MAP2: variants seen among roughly 807,000 people sequenced by gnomAD.
MAP2 encodes the protein microtubule-associated protein 2.
MAP2 carries 14 observed loss-of-function variants against 137.6 expected under a neutral mutation model. The ratio of observed to expected loss-of-function variants is 0.10; its 90% CI spans 0.07 to 0.16. MAP2 has a LOEUF of 0.16. Ranked by LOEUF, MAP2 falls within the 10% of genes least tolerant of loss-of-function variation. MAP2 has a pLI of 1.00. For missense variants in MAP2, 2,088 were observed against 2,191.5 expected (o/e 0.95, Z 0.94); for synonymous variants, 786 against 782.3 (o/e 1.00, Z -0.08).
intron 4 of MAP2, among the ~76,000 whole-genome samples, chr2:209,628,498 C>G (rs762840406): frequency 2.0e-5 from 3 of 152,114 alleles, no homozygotes; most frequent in Non-Finnish European, 4.4e-5. Context: ...ATCATCTCTA[C>G]CTATATCATT....
At chr2:209,649,560 G>A (rs10193321) in intron 4 of MAP2, among the ~76,000 whole-genome samples, 27,730 of 151,978 alleles carry the variant, frequency 0.18, 3,572 homozygotes, top group African/African-American at 0.36. Context: ...TGGCCAAATA[G>A]TGTCTCCTTT....
chr2:209,652,282 T>G (rs1296497998), intron 4 of MAP2, among the ~76,000 whole-genome samples: 1 of 152,224 alleles, frequency 6.6e-6, no homozygotes, highest in Non-Finnish European at 1.5e-5. Context: ...TGTATGTCAA[T>G]GGTTTTAACT....
intron 2 of MAP2, among the ~76,000 whole-genome samples, chr2:209,534,544 C>T (rs1177155055): frequency 6.6e-6 from 1 of 152,116 alleles, no homozygotes; most frequent in African/African-American, 2.4e-5. Context: ...CATTGCTTAC[C>T]CCTTCTAAAT....
intron 2 of MAP2, among the ~76,000 whole-genome samples, chr2:209,564,556 TAAAAAAAAAAA>T (rs757367849): frequency 1.8e-5 from 1 of 55,994 alleles, no homozygotes; most frequent in African/African-American, 6.2e-5. Flanking sequence ...CTCTGTGGAG[TAAAAAAAAAAA>T]AAAAAAAAAA....
intron 2 of MAP2, among the ~76,000 whole-genome samples, chr2:209,570,635 GT>G (rs1306354246): frequency 6.6e-6 from 1 of 151,948 alleles, no homozygotes; most frequent in East Asian, 1.9e-4. Flanking sequence ...TATAATGATG[GT>G]TTTTGTTTTT....
At chr2:209,653,510 C>T (rs2094937047) in intron 5 of MAP2, 78 bp downstream of exon 5, 1 of 1,399,840 alleles carries the variant, frequency 7.1e-7, no homozygotes, top group East Asian at 2.4e-5. Context: ...AATTAATATA[C>T]AGCACTGATC....
At chr2:209,435,933 A>G (rs983425256) in intron 1 of MAP2, among the ~76,000 whole-genome samples, 1 of 141,062 alleles carries the variant, frequency 7.1e-6, no homozygotes, top group African/African-American at 2.5e-5. Flanking sequence ...TATATATTAT[A>G]TATATAATAT....
At chr2:209,442,496 T>A (rs999254532) in intron 1 of MAP2, among the ~76,000 whole-genome samples, 3 of 151,670 alleles carry the variant, frequency 2.0e-5, no homozygotes, top group African/African-American at 7.2e-5. Flanking sequence ...AATGTTTAAT[T>A]ATCAGCTTAA....
At chr2:209,666,468 A>G (rs1182630027) in intron 5 of MAP2, among the ~76,000 whole-genome samples, 1 of 152,122 alleles carries the variant, frequency 6.6e-6, no homozygotes, top group Non-Finnish European at 1.5e-5. Flanking sequence ...TAACAAGAGG[A>G]TAACGAGAAA....
chr2:209,536,315 C>T (rs2150659769), intron 2 of MAP2, among the ~76,000 whole-genome samples: 1 of 152,224 alleles, frequency 6.6e-6, no homozygotes, highest in Non-Finnish European at 1.5e-5. Context: ...TAGTGCCTAC[C>T]AAAGACTGTA....
intron 4 of MAP2, among the ~76,000 whole-genome samples, chr2:209,635,320 A>G (rs1259574397): frequency 1.3e-5 from 2 of 152,200 alleles, no homozygotes; most frequent in Non-Finnish European, 2.9e-5. Context: ...AAAATTTATT[A>G]TAAAAAGACA....
In MAP2 at chr2:209,654,942, T is replaced by C. The variant is rs572977611; in HGVS notation, c.262+1510T>C. On this transcript the variant is annotated intron_variant, in intron 5 of 15. Coordinates refer to ENST00000682079, the MANE Select transcript of MAP2 (RefSeq NM_001375505.1). ...AAGTCTTACTTTGTCCCTTGGGCTC[T>C]CGCCAGTTGACTCTCAGTGCCTGTT... Among the ~76,000 whole-genome samples, 102 of 152,328 alleles carry C rather than the reference T, an allele frequency of 6.7e-4. 1 individual carries two copies. The South Asian group carries it at 0.02, about 30-fold the overall frequency.
At chr2:209,553,177 A>G (rs1465884018) in intron 2 of MAP2, among the ~76,000 whole-genome samples, 1 of 151,762 alleles carries the variant, frequency 6.6e-6, no homozygotes, top group Non-Finnish European at 1.5e-5. Context: ...ACGCCCGGCT[A>G]ATTTTTTGTA....
chr2:209,575,518 CAAA>C (rs71043942), intron 2 of MAP2, among the ~76,000 whole-genome samples: 1,158 of 28,462 alleles, frequency 0.041, 39 homozygotes, highest in African/African-American at 0.091. Flanking sequence ...GACTCCATCT[CAAA>C]AAAAAAAAAA....
chr2:209,544,324 G>C (rs2067617679), intron 2 of MAP2, among the ~76,000 whole-genome samples: 1 of 152,006 alleles, frequency 6.6e-6, no homozygotes, highest in African/African-American at 2.4e-5. Context: ...GCAACATCGA[G>C]GGAATCTTAA....
Position 209,653,179 on chromosome 2 carries a change from T to C in MAP2, c.9T>C (p.Asp3=), listed in dbSNP as rs1467912457. The change falls in exon 5 of 16, where the codon GAT becomes GAC. Residue 3 remains aspartate (D), a synonymous_variant. Coordinates refer to ENST00000682079, the MANE Select transcript of MAP2 (RefSeq NM_001375505.1). The stretch of plus-strand genomic sequence containing the variant: ...TAACAAGGCATTGAAGAATGGCAGA[T>C]GAACGGAAAGATGAAGCAAAGGCAC... The part of the protein sequence containing the change: MA[D]ERKDEAKAPH... 2 of 1,595,472 alleles carry C rather than the reference T, an allele frequency of 1.3e-6. No individual in the cohort carries two copies. Among genetic ancestry groups the C allele is most frequent in the Middle Eastern group, 1.7e-4 (1 of 5,932 alleles).
chr2:209,494,183 A>G (rs113455469), intron 1 of MAP2, among the ~76,000 whole-genome samples: 3,265 of 152,242 alleles, frequency 0.021, 43 homozygotes, highest in Non-Finnish European at 0.033. Context: ...TAACACAGGA[A>G]CAGAAAACCA....
chr2:209,431,823 A>G (rs1462116445), intron 1 of MAP2, among the ~76,000 whole-genome samples: 1 of 152,166 alleles, frequency 6.6e-6, no homozygotes, highest in Non-Finnish European at 1.5e-5. Flanking sequence ...TTTCACATGG[A>G]TATAAAAGAG....
chr2:209,539,934 G>GAA (rs397962922), intron 2 of MAP2, among the ~76,000 whole-genome samples: 13,469 of 81,964 alleles, frequency 0.16, 1,239 homozygotes, highest in Middle Eastern at 0.27. Context: ...CCCATCTCAC[G>GAA]AAAAAAAAAA....
Sources: allele counts gnomAD v4.1 joint callset (sites outside exome capture counted in the v4.1 genomes callset), GRCh38; gene constraint gnomAD v4.1.1; transcripts MANE v1.5; gene names NCBI Gene and HGNC (gene_info 2026-07-23, HGNC 2026-07-21).